Variants in RP1 observed in about 807,000 individuals in gnomAD.
RP1 encodes the protein RP1 axonemal microtubule associated.
Under a neutral mutation model 14.8 loss-of-function variants are expected in RP1, and 16 were observed. That is an observed-to-expected ratio of 1.08 (90% CI 0.73 to 1.65). The LOEUF is 1.65. Ranked by LOEUF, RP1 falls within the 40% of genes most tolerant of loss-of-function variation. The probability of loss-of-function intolerance (pLI) is 0.00; values close to 1 mark genes in which losing one functional copy is unlikely to be tolerated. For synonymous variants in RP1, 876 were observed against 883.6 expected, an observed-to-expected ratio of 0.99 and a Z score of 0.15; for missense variants, 2,631 against 2,535.0, an observed-to-expected ratio of 1.04 and a Z score of -0.81.
chr8:54,724,460 T>A (rs952722593), intron 16 of RP1, among the ~76,000 whole-genome samples: 1 of 152,182 alleles, frequency 6.6e-6, no homozygotes, highest in Non-Finnish European at 1.5e-5. Flanking sequence ...TCACTAATCA[T>A]CCAAATCCAG....
intron 1 of RP1, among the ~76,000 whole-genome samples, chr8:54,598,271 T>C (rs1805197668): frequency 6.6e-6 from 1 of 152,182 alleles, no homozygotes; most frequent in Non-Finnish European, 1.5e-5. Flanking sequence ...CTATTTTGAT[T>C]CTATATTGTT....
At chr8:54,773,046 G>C (rs901175105), downstream of RP1, among the ~76,000 whole-genome samples, 1 of 152,002 alleles carries the variant, frequency 6.6e-6, no homozygotes, top group Non-Finnish European at 1.5e-5. Flanking sequence ...TTTTCACTAA[G>C]GGTGTATCCC....
chr8:54,585,705 C>T (rs571361394), intron 1 of RP1, among the ~76,000 whole-genome samples: 1 of 152,080 alleles, frequency 6.6e-6, no homozygotes, highest in African/African-American at 2.4e-5. Flanking sequence ...TCTTTTTATT[C>T]TTTTTTCTCT....
intron 19 of RP1, among the ~76,000 whole-genome samples, chr8:54,751,840 C>A (rs1251913540): frequency 6.6e-6 from 1 of 152,212 alleles, no homozygotes; most frequent in Non-Finnish European, 1.5e-5. Flanking sequence ...TTCGAGCCAT[C>A]ATGACTTCGA....
chr8:54,701,029 A>T (rs1808002130), intron 13 of RP1, among the ~76,000 whole-genome samples: 1 of 152,108 alleles, frequency 6.6e-6, no homozygotes, highest in Non-Finnish European at 1.5e-5. Context: ...ATGGGGTGAG[A>T]CCTAAAACGC....
chr8:54,845,845 C>T (rs1811905685), intron 25 of RP1, among the ~76,000 whole-genome samples: 1 of 152,190 alleles, frequency 6.6e-6, no homozygotes, highest in Admixed American at 6.5e-5. Context: ...CTTCTTTGCT[C>T]ATGTTCAATC....
chr8:54,637,242 C>G (rs187182903), intron 3 of RP1, among the ~76,000 whole-genome samples: 20 of 152,088 alleles, frequency 1.3e-4, no homozygotes, highest in South Asian at 8.3e-4. Context: ...TGTAATAGCT[C>G]GATAGGACTG....
At chr8:54,580,019 G>A (rs1804747394) in intron 1 of RP1, among the ~76,000 whole-genome samples, 1 of 152,140 alleles carries the variant, frequency 6.6e-6, no homozygotes, top group South Asian at 2.1e-4. Flanking sequence ...CCCTGACAAA[G>A]GTGCTGTAGT....
At chr8:54,810,825 G>T (rs1227163362) in intron 24 of RP1, among the ~76,000 whole-genome samples, 1 of 152,158 alleles carries the variant, frequency 6.6e-6, no homozygotes, top group Non-Finnish European at 1.5e-5. Flanking sequence ...GGGCATAAAA[G>T]GTGGCACCAT....
chr8:54,593,845 G>A (rs1805088906), intron 1 of RP1, among the ~76,000 whole-genome samples: 1 of 152,242 alleles, frequency 6.6e-6, no homozygotes, highest in Non-Finnish European at 1.5e-5. Flanking sequence ...GGTGCTCACA[G>A]GAGTCTTGTC....
At chr8:54,839,692 G>T (rs760379324) in intron 25 of RP1, among the ~76,000 whole-genome samples, 1 of 152,034 alleles carries the variant, frequency 6.6e-6, no homozygotes, top group Non-Finnish European at 1.5e-5. Context: ...TCCTTGATTA[G>T]CCTTATATCC....
At chr8:54,814,229 C>G (rs923340828) in intron 24 of RP1, among the ~76,000 whole-genome samples, 1 of 151,978 alleles carries the variant, frequency 6.6e-6, no homozygotes, top group Non-Finnish European at 1.5e-5. Context: ...ATATGTTAGG[C>G]GCATATTTAA....
At chr8:54,771,344 G>A (rs969375403), downstream of RP1, among the ~76,000 whole-genome samples, 1 of 151,868 alleles carries the variant, frequency 6.6e-6, no homozygotes, top group African/African-American at 2.4e-5. Context: ...AACTTGGTGG[G>A]GCATATGTGG....
chr8:54,788,289 G>C (rs1262043856), intron 24 of RP1, among the ~76,000 whole-genome samples: 1 of 152,160 alleles, frequency 6.6e-6, no homozygotes, highest in Non-Finnish European at 1.5e-5. Flanking sequence ...GTAATATCAA[G>C]AATGTTTATC....
intron 4 of RP1, among the ~76,000 whole-genome samples, chr8:54,652,283 T>C (rs1337644442): frequency 2.6e-5 from 4 of 152,220 alleles, no homozygotes; most frequent in African/African-American, 9.6e-5. Flanking sequence ...TTTGAACTTT[T>C]CAGTTTGCCT....
intron 1 of RP1, among the ~76,000 whole-genome samples, chr8:54,586,479 A>C (rs990160202): frequency 1.3e-5 from 2 of 152,200 alleles, no homozygotes; most frequent in African/African-American, 4.8e-5. Context: ...GTCCATTGTC[A>C]GATCTCCAGT....
At chr8:54,719,051 A>G (rs569928440) in intron 15 of RP1, among the ~76,000 whole-genome samples, 6 of 152,292 alleles carry the variant, frequency 3.9e-5, no homozygotes, top group Middle Eastern at 3.4e-3. Flanking sequence ...GGTAAGGCCC[A>G]AACTTCCTAT....
rs143695919 is a variant in RP1 at position 54,846,441 on chromosome 8, G to A, written c.3836-6133G>A. Among the ~76,000 whole-genome samples the A allele has an allele frequency of 3.3e-3, 495 of 152,274 alleles. 2 individuals carry two copies. Among genetic ancestry groups the A allele is most frequent in the African/African-American group, 0.01 (433 of 41,560 alleles). On this transcript the variant is annotated intron_variant, in intron 25 of 28. Coordinates refer to the RP1 transcript ENST00000637698. ...CCTAAGGAAAGTATTGCGTGTGATG[G>A]AAATATTCCCTATCTTGATTGTGGT...
intron 3 of RP1, among the ~76,000 whole-genome samples, chr8:54,647,878 T>C (rs1806579854): frequency 6.6e-6 from 1 of 152,044 alleles, no homozygotes; most frequent in Non-Finnish European, 1.5e-5. Flanking sequence ...ATAGATCAGC[T>C]TTCTGATTGA....
Sources: gnomAD v4.1 joint callset for allele counts (sites outside exome capture counted in the v4.1 genomes callset) on GRCh38, gnomAD v4.1.1 for gene constraint, MANE v1.5 for transcripts, NCBI Gene and HGNC (gene_info 2026-07-23, HGNC 2026-07-21) for gene names.